MAGI2: variants seen among roughly 807,000 people sequenced by gnomAD.
MAGI2 encodes membrane associated guanylate kinase, WW and PDZ domain containing 2.
Under a neutral mutation model 133.3 loss-of-function variants are expected in MAGI2, and 35 were observed. That is an observed-to-expected ratio of 0.26 (90% CI 0.20 to 0.35). The LOEUF (loss-of-function observed/expected upper bound fraction) is 0.35. Among genes scored for constraint, MAGI2 ranks in the 10% least tolerant of loss-of-function variants. The pLI, the probability that MAGI2 is intolerant of heterozygous loss-of-function variation, is 1.00. For missense variants in MAGI2, 1,636 were observed against 1,863.4 expected, an observed-to-expected ratio of 0.88 and a Z score of 2.25; for synonymous variants, 729 against 710.6, an observed-to-expected ratio of 1.03 and a Z score of -0.41.
chr7:78,762,281 TA>T (rs1369360117), intron 2 of MAGI2, among the ~76,000 whole-genome samples: 1 of 150,706 alleles, frequency 6.6e-6, no homozygotes, highest in African/African-American at 2.4e-5. Context: ...CCATCCCTAC[TA>T]AAAATACAAA....
At chr7:78,854,677 T>C (rs1793472488) in intron 2 of MAGI2, among the ~76,000 whole-genome samples, 1 of 152,046 alleles carries the variant, frequency 6.6e-6, no homozygotes, top group Non-Finnish European at 1.5e-5. Context: ...ACAAGATATT[T>C]TATTAGCTCA....
intron 6 of MAGI2, among the ~76,000 whole-genome samples, chr7:78,372,758 G>C (rs569428417): frequency 6.6e-6 from 1 of 152,166 alleles, no homozygotes; most frequent in African/African-American, 2.4e-5. Flanking sequence ...CACGCACCTA[G>C]CTTTGCCTGG....
chr7:78,410,716 G>A (rs889976737), intron 6 of MAGI2, among the ~76,000 whole-genome samples: 2 of 151,858 alleles, frequency 1.3e-5, no homozygotes, highest in East Asian at 3.9e-4. Flanking sequence ...AAAAGAGTAA[G>A]ATGGGAAAGG....
At chr7:79,079,462 A>G (rs908522864) in intron 1 of MAGI2, among the ~76,000 whole-genome samples, 54 of 152,304 alleles carry the variant, frequency 3.5e-4, no homozygotes, top group African/African-American at 1.3e-3. Flanking sequence ...CCAAGGGAAG[A>G]GGAACATTTA....
chr7:78,233,982 T>G (rs1227869286), intron 10 of MAGI2, among the ~76,000 whole-genome samples: 2 of 152,200 alleles, frequency 1.3e-5, no homozygotes, highest in Non-Finnish European at 2.9e-5. Context: ...CTAATGCATG[T>G]ATTTTAGTGG....
At chr7:79,289,849 T>A (rs1305102206) in intron 1 of MAGI2, among the ~76,000 whole-genome samples, 1 of 152,134 alleles carries the variant, frequency 6.6e-6, no homozygotes, top group Non-Finnish European at 1.5e-5. Flanking sequence ...TTGCATCATA[T>A]AATTAATATC....
At chr7:78,285,390 C>T (rs563817156) in intron 9 of MAGI2, among the ~76,000 whole-genome samples, 1 of 151,884 alleles carries the variant, frequency 6.6e-6, no homozygotes, top group South Asian at 2.1e-4. Context: ...TTTTTGAATG[C>T]TTCCTATTTG....
intron 2 of MAGI2, among the ~76,000 whole-genome samples, chr7:78,859,995 T>C (rs1327960363): frequency 6.6e-6 from 1 of 152,210 alleles, no homozygotes; most frequent in Admixed American, 6.5e-5. Flanking sequence ...CATTTGATCT[T>C]CAGTCACTGA....
At chr7:78,594,469 T>TTTTTTTGTTG (rs1804380419) in intron 3 of MAGI2, among the ~76,000 whole-genome samples, 1 of 151,216 alleles carries the variant, frequency 6.6e-6, no homozygotes, top group Non-Finnish European at 1.5e-5. Context: ...TTTTTTGTTG[T>TTTTTTTGTTG]TTTTTTTGAG....
intron 1 of MAGI2, among the ~76,000 whole-genome samples, chr7:79,447,326 ATACT>A (rs145322965): frequency 6.1e-4 from 93 of 152,280 alleles, no homozygotes; most frequent in Non-Finnish European, 1.1e-3. Flanking sequence ...AATATAACAA[ATACT>A]TACTAGAGAC....
At chr7:79,283,347 A>C (rs1835786908) in intron 1 of MAGI2, among the ~76,000 whole-genome samples, 2 of 152,190 alleles carry the variant, frequency 1.3e-5, no homozygotes, top group African/African-American at 2.4e-5. Context: ...TAAAGCAGAA[A>C]GCATTCTTTG....
intron 9 of MAGI2, among the ~76,000 whole-genome samples, chr7:78,287,874 A>C (rs760306697): frequency 1.3e-5 from 2 of 152,214 alleles, no homozygotes; most frequent in African/African-American, 2.4e-5. Context: ...TAATAGATTC[A>C]GCAGGAAAAA....
intron 1 of MAGI2, among the ~76,000 whole-genome samples, chr7:79,127,938 A>T (rs1820576565): frequency 2.0e-5 from 3 of 152,188 alleles, no homozygotes; most frequent in Non-Finnish European, 4.4e-5. Flanking sequence ...TTTAGGTCTA[A>T]CATGAAAGTC....
chr7:79,427,712 C>A (rs144708202), intron 1 of MAGI2, among the ~76,000 whole-genome samples: 204 of 152,196 alleles, frequency 1.3e-3, no homozygotes, highest in African/African-American at 4.8e-3. Flanking sequence ...ATAGCAAATT[C>A]TTAATGTCAG....
intron 2 of MAGI2, among the ~76,000 whole-genome samples, chr7:78,880,460 C>T (rs961054424): frequency 2.0e-5 from 3 of 152,138 alleles, no homozygotes; most frequent in African/African-American, 7.2e-5. Flanking sequence ...ACAAGATTTT[C>T]ATGTCCCCCC....
At chr7:79,154,841 G>T (rs1460834295) in intron 1 of MAGI2, among the ~76,000 whole-genome samples, 1 of 152,102 alleles carries the variant, frequency 6.6e-6, no homozygotes, top group Non-Finnish European at 1.5e-5. Context: ...TCCTTTAAAT[G>T]ACTTCTGAAA....
intron 3 of MAGI2, among the ~76,000 whole-genome samples, chr7:78,535,262 G>A (rs1164380613): frequency 6.6e-6 from 1 of 152,162 alleles, no homozygotes; most frequent in East Asian, 1.9e-4. Context: ...ATAGTAACTT[G>A]GAAGAACTAA....
At chr7:78,593,637 A>G (rs1804281803) in intron 3 of MAGI2, among the ~76,000 whole-genome samples, 1 of 152,196 alleles carries the variant, frequency 6.6e-6, no homozygotes, top group Non-Finnish European at 1.5e-5. Context: ...TCTGAAAATG[A>G]CTAACTCTTA....
chr7:78,862,365 T>C (rs767886773), intron 2 of MAGI2, among the ~76,000 whole-genome samples: 4 of 152,208 alleles, frequency 2.6e-5, no homozygotes, highest in Non-Finnish European at 5.9e-5. Context: ...AAAACGTATA[T>C]GGGAAAATTT....
Sources: allele counts gnomAD v4.1 joint callset (sites outside exome capture counted in the v4.1 genomes callset), GRCh38; gene constraint gnomAD v4.1.1; transcripts MANE v1.5; gene names NCBI Gene and HGNC (gene_info 2026-07-23, HGNC 2026-07-21).